Variants in NRG3 observed in about 807,000 individuals in gnomAD.
NRG3 encodes the protein neuregulin 3.
NRG3 carries 31 observed loss-of-function variants against 66.9 expected under a neutral mutation model. The ratio of observed to expected loss-of-function variants is 0.46; its 90% CI spans 0.35 to 0.63. The LOEUF is 0.63. Ranked by LOEUF, NRG3 falls within the 20% of genes least tolerant of loss-of-function variation. NRG3 has a pLI of 0.00. For synonymous variants in NRG3, 393 were observed against 359.4 expected (o/e 1.09, Z -1.06); for missense variants, 910 against 878.9 (o/e 1.04, Z -0.45).
At chr10:82,185,630 C>T (rs1233308726) in intron 1 of NRG3, among the ~76,000 whole-genome samples, 2 of 152,196 alleles carry the variant, frequency 1.3e-5, no homozygotes, top group Non-Finnish European at 2.9e-5. Flanking sequence ...CATGATACTT[C>T]ACTTGCCTGC....
chr10:82,337,514 T>G (rs1377396498), intron 1 of NRG3, among the ~76,000 whole-genome samples: 1 of 152,098 alleles, frequency 6.6e-6, no homozygotes, highest in Non-Finnish European at 1.5e-5. Context: ...ATGTGAGGAG[T>G]GGAATTGCTT....
intron 4 of NRG3, among the ~76,000 whole-genome samples, chr10:82,918,533 A>G (rs1238684190): frequency 6.6e-6 from 1 of 152,186 alleles, no homozygotes; most frequent in Non-Finnish European, 1.5e-5. Flanking sequence ...TATTCAAGAT[A>G]CTGTGGAGTT....
chr10:82,865,981 G>A (rs1200363654), intron 4 of NRG3, among the ~76,000 whole-genome samples: 1 of 152,108 alleles, frequency 6.6e-6, no homozygotes, highest in Non-Finnish European at 1.5e-5. Flanking sequence ...TAAAGTATTT[G>A]CAGTGAATGG....
intron 4 of NRG3, among the ~76,000 whole-genome samples, chr10:82,895,654 C>G (rs1175841872): frequency 6.6e-6 from 1 of 152,140 alleles, no homozygotes; most frequent in South Asian, 2.1e-4. Flanking sequence ...CCATGCCCAG[C>G]TAATTTTTTG....
chr10:82,373,972 T>C (rs147257261), intron 2 of NRG3, among the ~76,000 whole-genome samples: 1 of 152,284 alleles, frequency 6.6e-6, no homozygotes, highest in East Asian at 1.9e-4. Flanking sequence ...TCTGTATCTA[T>C]TATAATGTTT....
chr10:81,951,023 A>G (rs540780666), intron 1 of NRG3, among the ~76,000 whole-genome samples: 2 of 152,188 alleles, frequency 1.3e-5, no homozygotes, highest in Admixed American at 6.6e-5. Flanking sequence ...AAACAATCGA[A>G]TATCTGGATT....
chr10:82,522,254 A>C (rs186704901), intron 2 of NRG3, among the ~76,000 whole-genome samples: 446 of 152,142 alleles, frequency 2.9e-3, no homozygotes, highest in Admixed American at 4.1e-3. Flanking sequence ...CATGTTGGCC[A>C]GGCTGGTCTT....
At chr10:82,202,058 A>T (rs1329332395) in intron 1 of NRG3, among the ~76,000 whole-genome samples, 1 of 152,148 alleles carries the variant, frequency 6.6e-6, no homozygotes, top group Non-Finnish European at 1.5e-5. Context: ...CCTGCCAGAT[A>T]CTTATTATTG....
intron 1 of NRG3, among the ~76,000 whole-genome samples, chr10:82,162,402 A>C (rs1385676781): frequency 6.6e-6 from 1 of 152,176 alleles, no homozygotes; most frequent in East Asian, 1.9e-4. Context: ...CTACTGCATC[A>C]GTACTAGGTG....
Position 82,135,565 on chromosome 10 carries a change from C to CCTGT in NRG3, c.824-223171_824-223168dup, listed in dbSNP as rs377574102. ...TCTCTGACCTTGTATTTTGTAATAG[C>CCTGT]CTGTCTTCAGGCTCACTAATTCTGT... is the stretch of plus-strand genomic sequence containing the variant. On this transcript the variant is annotated intron_variant, in intron 1 of 8. Coordinates refer to ENST00000372141, the MANE Select transcript of NRG3 (RefSeq NM_001010848.4). Among the ~76,000 whole-genome samples the CCTGT allele has an allele frequency of 5.1e-3, 782 of 152,042 alleles. 7 individuals are homozygous for CCTGT. Among genetic ancestry groups the CCTGT allele is most frequent in the African/African-American group, 0.018 (735 of 41,470 alleles).
intron 1 of NRG3, among the ~76,000 whole-genome samples, chr10:82,102,997 C>T (rs1375820697): frequency 6.6e-6 from 1 of 152,094 alleles, no homozygotes; most frequent in African/African-American, 2.4e-5. Context: ...ATCTGAAGTA[C>T]TTCCGTCAGC....
At chr10:82,971,821 T>C (rs1476714552) in intron 6 of NRG3, among the ~76,000 whole-genome samples, 3 of 152,236 alleles carry the variant, frequency 2.0e-5, no homozygotes, top group Non-Finnish European at 2.9e-5. Context: ...GCTCATTCTA[T>C]GAATATGAAA....
At chr10:81,936,077 A>G (rs1437877832) in intron 1 of NRG3, among the ~76,000 whole-genome samples, 2 of 152,126 alleles carry the variant, frequency 1.3e-5, no homozygotes, top group African/African-American at 2.4e-5. Context: ...GACATGATAG[A>G]AGGAGATCTA....
At chr10:82,030,832 A>G (rs2062536177) in intron 1 of NRG3, among the ~76,000 whole-genome samples, 1 of 152,142 alleles carries the variant, frequency 6.6e-6, no homozygotes, top group African/African-American at 2.4e-5. Flanking sequence ...GGTTTAAAAC[A>G]ACGTTCAGAG....
At chr10:82,944,081 A>G (rs1041465818) in intron 4 of NRG3, among the ~76,000 whole-genome samples, 2 of 152,182 alleles carry the variant, frequency 1.3e-5, no homozygotes, top group African/African-American at 4.8e-5. Context: ...TACCCTATGA[A>G]TCAAATGCAC....
At chr10:82,030,764 A>G (rs1474869) in intron 1 of NRG3, among the ~76,000 whole-genome samples, 4,500 of 152,032 alleles carry the variant, frequency 0.03, 234 homozygotes, top group African/African-American at 0.1. Flanking sequence ...GAAAATGAAT[A>G]TAAAAGAAAT....
At chr10:82,825,134 A>G (rs1219190715) in intron 3 of NRG3, among the ~76,000 whole-genome samples, 3 of 152,104 alleles carry the variant, frequency 2.0e-5, no homozygotes, top group African/African-American at 7.2e-5. Context: ...CACTTTCTTC[A>G]TGGTGTTCTT....
chr10:82,671,968 A>G (rs1276717146), intron 2 of NRG3, among the ~76,000 whole-genome samples: 2 of 152,132 alleles, frequency 1.3e-5, no homozygotes, highest in Non-Finnish European at 2.9e-5. Context: ...TCCATCCTAT[A>G]TTTAAATGGT....
intron 4 of NRG3, among the ~76,000 whole-genome samples, chr10:82,874,713 C>G (rs1045007571): frequency 6.6e-6 from 1 of 152,174 alleles, no homozygotes; most frequent in African/African-American, 2.4e-5. Flanking sequence ...AACCTGACTA[C>G]TAATTAGCTG....
Sources: allele counts gnomAD v4.1 joint callset (sites outside exome capture counted in the v4.1 genomes callset), GRCh38; gene constraint gnomAD v4.1.1; transcripts MANE v1.5; gene names NCBI Gene and HGNC (gene_info 2026-07-23, HGNC 2026-07-21).